Variants in DZIP1L observed in about 807,000 individuals in gnomAD.
DZIP1L encodes DAZ interacting zinc finger protein 1 like, also known as cilium assembly protein DZIP1L.
Under a neutral mutation model 88.7 loss-of-function variants are expected in DZIP1L, and 90 were observed. The ratio of observed to expected loss-of-function variants is 1.02; its 90% confidence interval spans 0.86 to 1.21. DZIP1L has a LOEUF of 1.21. Among genes scored for constraint, DZIP1L ranks in the 50% most tolerant of loss-of-function variants. The probability of loss-of-function intolerance (pLI) is 0.00; values close to 1 mark genes in which losing one functional copy is unlikely to be tolerated. For synonymous variants in DZIP1L, 363 were observed against 372.1 expected (o/e 0.98, Z 0.28); for missense variants, 932 against 955.8 (o/e 0.98, Z 0.33).
chr3:138,063,009 T>C lies in DZIP1L; in HGVS notation c.2143-32A>G. ...GGGGTAAAGGGGAGAAGAAAATGCA[T>C]TTTGATAAGGGAGGAGGGTGGCTGA... On this transcript the variant is annotated intron_variant, in intron 15 of 15. Coordinates refer to ENST00000327532, the MANE Select transcript of DZIP1L (RefSeq NM_173543.3). The surrounding 1 kb of genome is among the most constrained non-coding windows in gnomAD (Gnocchi z 4.1). 6.2e-7 allele frequency: 1 copy of C among 1,609,684 alleles called. No homozygotes were observed. Among genetic ancestry groups the C allele is most frequent in the Non-Finnish European group, 8.5e-7 (1 of 1,178,766 alleles).
At chr3:138,097,347 A>T (rs1361205400) in intron 3 of DZIP1L, among the ~76,000 whole-genome samples, 1 of 152,198 alleles carries the variant, frequency 6.6e-6, no homozygotes, top group African/African-American at 2.4e-5. Flanking sequence ...AACTGGTCTG[A>T]CTGCCCATTC....
At chr3:138,098,593 G>T (rs879568816) in intron 2 of DZIP1L, among the ~76,000 whole-genome samples, 1 of 152,140 alleles carries the variant, frequency 6.6e-6, no homozygotes, top group Admixed American at 6.5e-5. Flanking sequence ...TGCTATCTTT[G>T]CAGACAATTG....
At chr3:138,079,454 C>T (rs1316637120) in intron 10 of DZIP1L, among the ~76,000 whole-genome samples, 1 of 152,154 alleles carries the variant, frequency 6.6e-6, no homozygotes, top group Non-Finnish European at 1.5e-5. Context: ...AATAATGAAG[C>T]AGTTCTCTTT....
intron 10 of DZIP1L, 121 bp from the exon 11 acceptor site, chr3:138,077,753 G>A (rs1265595156): frequency 3.8e-5 from 54 of 1,414,330 alleles, no homozygotes; most frequent in Non-Finnish European, 5.0e-5. Context: ...CTCAGGACTT[G>A]GAGATTGCAC....
chr3:138,110,853 C>T (rs768522932), intron 1 of DZIP1L, among the ~76,000 whole-genome samples: 2 of 152,188 alleles, frequency 1.3e-5, no homozygotes, highest in Non-Finnish European at 2.9e-5. Flanking sequence ...AGAGAGGAAA[C>T]AGAGAGAGGA....
Position 138,092,516 on chromosome 3 carries a change from A to G in DZIP1L, c.737T>C (p.Ile246Thr), listed in dbSNP as rs1212669363. The change falls in exon 5 of 16, where the codon ATA (isoleucine) becomes ACA (threonine). Residue 246 changes from isoleucine (I) to threonine (T), a missense_variant. Coordinates refer to ENST00000327532, the MANE Select transcript of DZIP1L (RefSeq NM_173543.3). ...QEAELIHQRE[I>T]EAKKEFDKWK... is the part of the protein sequence containing the mutation. ...TTTATCAAATTCTTTCTTAGCTTCT[A>G]TTTCCCTCTGATGAATGAGCTCTGC... is the stretch of plus-strand genomic sequence containing the variant. 4 of 1,599,100 alleles carry G rather than the reference A, an allele frequency of 2.5e-6. No homozygotes were observed. The highest frequency in any genetic ancestry group is 3.4e-6 in the Non-Finnish European group (4 of 1,175,750).
intron 6 of DZIP1L, 27 bp from the exon 7 acceptor site, chr3:138,087,050 T>C (rs753319391): frequency 1.2e-6 from 2 of 1,611,786 alleles, no homozygotes; most frequent in South Asian, 1.1e-5. Flanking sequence ...GCTTATCAAA[T>C]GGGCCCTTGC....
intron 5 of DZIP1L, among the ~76,000 whole-genome samples, chr3:138,091,528 G>A (rs1207154257): frequency 2.0e-5 from 3 of 150,582 alleles, no homozygotes; most frequent in African/African-American, 7.3e-5. Context: ...TGAGGCACGA[G>A]AATCACTTGA....
At chr3:138,106,169 C>T (rs868481573) in intron 1 of DZIP1L, among the ~76,000 whole-genome samples, 11 of 115,910 alleles carry the variant, frequency 9.5e-5, no homozygotes, top group Middle Eastern at 8.9e-3. Flanking sequence ...GACAGTGTCT[C>T]GCACTGTCGC....
chr3:138,091,164 G>T (rs1944203617), intron 5 of DZIP1L, among the ~76,000 whole-genome samples: 1 of 151,700 alleles, frequency 6.6e-6, no homozygotes, highest in Non-Finnish European at 1.5e-5. Context: ...CCAGCCCAGG[G>T]ATAACTTTAA....
At chr3:138,103,025 T>C (rs1160802793) in intron 2 of DZIP1L, 60 of 439,040 alleles carry the variant, frequency 1.4e-4, no homozygotes, top group East Asian at 4.7e-5. Context: ...TTTTTATACA[T>C]GCTCCAGAGT....
intron 3 of DZIP1L, among the ~76,000 whole-genome samples, chr3:138,095,938 A>G (rs954783650): frequency 6.6e-6 from 1 of 152,244 alleles, no homozygotes; most frequent in South Asian, 2.1e-4. Flanking sequence ...TACTGACGAT[A>G]AAGCAAGAGT....
chr3:138,076,212 A>T (rs1943400184), intron 11 of DZIP1L, among the ~76,000 whole-genome samples: 2 of 152,282 alleles, frequency 1.3e-5, no homozygotes, highest in Middle Eastern at 3.4e-3. Flanking sequence ...CCACAATGTG[A>T]TACCACCTCA....
intron 14 of DZIP1L, among the ~76,000 whole-genome samples, chr3:138,066,007 G>C (rs1324306303): frequency 6.6e-6 from 1 of 152,182 alleles, no homozygotes; most frequent in Admixed American, 6.5e-5. Context: ...TCTCTACAAT[G>C]CCCTTTCCAC....
chr3:138,073,083 C>T (rs192807745), intron 11 of DZIP1L, among the ~76,000 whole-genome samples: 5 of 152,220 alleles, frequency 3.3e-5, no homozygotes, highest in Admixed American at 6.5e-5. Context: ...TTCCTGCACC[C>T]GCCCTGGTAG....
Position 138,071,846 on chromosome 3 carries a change from CAGG to C in DZIP1L, c.1423-14_1423-12del. ...GATTCCCTTTGCATCCTAGAGGAGA[CAGG>C]AGTTCACCTTTACAGAGAGAGGCTA... On this transcript the variant is annotated splice_polypyrimidine_tract_variant and intron_variant, in intron 11 of 15. Transcript: ENST00000327532. The C allele has an allele frequency of 1.2e-6, 2 of 1,606,378 alleles. No homozygotes were observed. The highest frequency in any genetic ancestry group is 1.7e-6 in the Non-Finnish European group (2 of 1,176,714).
intron 14 of DZIP1L, 121 bp downstream of exon 14, chr3:138,067,410 G>C (rs1942957409): frequency 1.7e-6 from 2 of 1,158,594 alleles, no homozygotes; most frequent in Admixed American, 3.1e-5. Context: ...AATAGAGAAA[G>C]AGATGTCAAA....
Position 138,062,911 on chromosome 3 carries a change from T to TCTGGTC in DZIP1L, c.2203_2208dup (p.Asp735_Gln736dup). Reference sequence around the variant, plus strand: ...CGAGACAAGGGCTTGGGTTTCTCTCTCTGGTCCAGGTCCAGAGGAAGATCT... The same window carrying TCTGGTC: ...CGAGACAAGGGCTTGGGTTTCTCTCTCTGGTCCTGGTCCAGGTCCAGAGGAAGATCT... On this transcript the variant is annotated inframe_insertion, in exon 16 of 16. Transcript: ENST00000327532. 2 of 1,614,192 alleles carry TCTGGTC rather than the reference T, an allele frequency of 1.2e-6. No homozygotes were observed. Among genetic ancestry groups the TCTGGTC allele is most frequent in the Non-Finnish European group, 1.7e-6 (2 of 1,180,030 alleles).
At chr3:138,071,085 T>A (rs568489980) in intron 12 of DZIP1L, among the ~76,000 whole-genome samples, 1 of 152,328 alleles carries the variant, frequency 6.6e-6, no homozygotes, top group Non-Finnish European at 1.5e-5. Context: ...GAACCAACTA[T>A]GAGCTCTGAG....
Sources: gnomAD v4.1 joint callset for allele counts (sites outside exome capture counted in the v4.1 genomes callset) on GRCh38, gnomAD v4.1.1 for gene constraint, Gnocchi (gnomAD v3.1) non-coding constraint, MANE v1.5 for transcripts, NCBI Gene and HGNC (gene_info 2026-07-23, HGNC 2026-07-21) for gene names.